The following PHF14 variants were observed in gnomAD, a reference collection of about 807,000 sequenced individuals.
PHF14 encodes PHD finger protein 14.
In PHF14, 55 loss-of-function variants were observed where a neutral mutation model predicts 117.9. The ratio of observed to expected loss-of-function variants is 0.47; its 90% CI spans 0.38 to 0.58. The LOEUF (loss-of-function observed/expected upper bound fraction) is 0.58, where lower values mean the gene tolerates loss of function less well. PHF14 is among the 20% of genes least tolerant of loss of function. The pLI is 0.00. For synonymous variants in PHF14, 409 were observed against 368.6 expected (o/e 1.11, Z -1.26); for missense variants, 978 against 1,122.2 (o/e 0.87, Z 1.84).
chr7:11,057,961 T>A (rs1009900583), intron 14 of PHF14, among the ~76,000 whole-genome samples: 1 of 152,226 alleles, frequency 6.6e-6, no homozygotes, highest in Non-Finnish European at 1.5e-5. Flanking sequence ...GGTTAGCTAA[T>A]TACTGTCAAA....
intron 3 of PHF14, among the ~76,000 whole-genome samples, chr7:10,988,192 G>T (rs16876772): frequency 0.014 from 2,174 of 152,036 alleles, 53 homozygotes; most frequent in East Asian, 0.11. Flanking sequence ...TCTATTAAGA[G>T]CCTCAAGTCA....
intron 13 of PHF14, among the ~76,000 whole-genome samples, chr7:11,050,784 TTGA>T (rs1165299080): frequency 6.6e-6 from 1 of 152,210 alleles, no homozygotes; most frequent in East Asian, 1.9e-4. Context: ...ACAAATTCCT[TTGA>T]TAAATAAATG....
At chr7:11,053,612 A>G (rs1357674060) in intron 14 of PHF14, among the ~76,000 whole-genome samples, 1 of 151,992 alleles carries the variant, frequency 6.6e-6, no homozygotes, top group Non-Finnish European at 1.5e-5. Flanking sequence ...TTATTTTTCC[A>G]GTTTCTTTAT....
chr7:11,071,446 G>C (rs1448766940), intron 16 of PHF14, among the ~76,000 whole-genome samples: 1 of 152,050 alleles, frequency 6.6e-6, no homozygotes, highest in East Asian at 1.9e-4. Flanking sequence ...TAGAGGAGTA[G>C]AAAATAAGTC....
intron 16 of PHF14, among the ~76,000 whole-genome samples, chr7:11,067,874 T>C (rs79352237): frequency 0.016 from 2,454 of 152,146 alleles, 57 homozygotes; most frequent in African/African-American, 0.056. Flanking sequence ...AAGGAACTAA[T>C]AGAGTTAGAA....
At chr7:11,035,266 C>T (rs1784281821) in intron 7 of PHF14, among the ~76,000 whole-genome samples, 1 of 152,088 alleles carries the variant, frequency 6.6e-6, no homozygotes, top group African/African-American at 2.4e-5. Context: ...GCAAATACCA[C>T]ACCATTTAAC....
In PHF14 at chr7:10,974,245, A is replaced by C; in HGVS notation, c.-79A>C. 1 of 1,268,478 alleles carries C rather than the reference A, an allele frequency of 7.9e-7. No individual in the cohort carries two copies. The highest frequency in any genetic ancestry group is 1.1e-6 in the Non-Finnish European group (1 of 891,202). 78.6% of individuals were successfully genotyped at this position (1,268,478 alleles called of 1,614,324 possible). On this transcript the variant is annotated 5_prime_UTR_variant, in exon 1 of 18. Transcript: ENST00000634607. The stretch of plus-strand genomic sequence containing the variant: ...CTTTCGGACTTGTCTTCGCGGCCCC[A>C]GTCCCCGACCTCGGCGCTGCCTGGG...
In PHF14 at chr7:11,036,612, T is replaced by A; in HGVS notation, c.1797T>A (p.Asp599Glu). The change falls in exon 9 of 18, where the codon GAT becomes GAA. Residue 599 changes from aspartate to glutamate, a missense_variant. Asp to Glu is a conservative substitution (Grantham distance 45, BLOSUM62 2). Around this residue, in one of 7 missense-constraint regions of PHF14, gnomAD observed 237 missense variants for 276.4 expected, o/e 0.86. Transcript: ENST00000634607. ...ATATCTTTCCAGTGGACAATTCAGA[T>A]ACTAGTTCTAGTGTGGATGGAAGGA... is the stretch of plus-strand genomic sequence containing the variant. Reference protein sequence around the residue: ...STDIFPVDNSDTSSSVDGRRK... With the variant: ...STDIFPVDNSETSSSVDGRRK... 1 of 1,613,692 alleles carries A rather than the reference T, an allele frequency of 6.2e-7. No individual in the cohort carries two copies. The highest frequency in any genetic ancestry group is 8.5e-7 in the Non-Finnish European group (1 of 1,179,604).
intron 16 of PHF14, among the ~76,000 whole-genome samples, chr7:11,073,475 A>G (rs946478078): frequency 6.6e-5 from 10 of 152,322 alleles, no homozygotes; most frequent in African/African-American, 2.2e-4. Context: ...GTGGGCTCCA[A>G]ATGCTTTGGG....
At chr7:11,044,110 A>G (rs564760324) in intron 13 of PHF14, among the ~76,000 whole-genome samples, 1 of 152,066 alleles carries the variant, frequency 6.6e-6, no homozygotes. Context: ...GCATGTTCTC[A>G]CTTACAGGTG....
intron 17 of PHF14, among the ~76,000 whole-genome samples, chr7:11,137,325 C>T (rs1176671666): frequency 6.6e-6 from 1 of 152,112 alleles, no homozygotes; most frequent in Non-Finnish European, 1.5e-5. Context: ...GTGGATACTT[C>T]TTATGCTTGA....
chr7:11,007,884 T>C (rs1783182276), intron 4 of PHF14, among the ~76,000 whole-genome samples: 1 of 152,234 alleles, frequency 6.6e-6, no homozygotes, highest in South Asian at 2.1e-4. Context: ...TTATTGAATT[T>C]ATAATTGTTT....
At chr7:11,161,613 G>A (rs1352544876) in intron 17 of PHF14, among the ~76,000 whole-genome samples, 2 of 142,008 alleles carry the variant, frequency 1.4e-5, no homozygotes, top group East Asian at 3.9e-4. Flanking sequence ...TTAGATTTTA[G>A]ATAACATTTT....
intron 16 of PHF14, among the ~76,000 whole-genome samples, chr7:11,067,904 A>T (rs12112674): frequency 0.58 from 87,588 of 151,954 alleles, 26,869 homozygotes; most frequent in East Asian, 0.85. Flanking sequence ...GAGGAGGTCA[A>T]TAATCTCTTC....
At chr7:11,025,525 G>A (rs1374745373) in intron 6 of PHF14, among the ~76,000 whole-genome samples, 1 of 152,174 alleles carries the variant, frequency 6.6e-6, no homozygotes, top group East Asian at 1.9e-4. Flanking sequence ...CGGGCACGGT[G>A]GCTCACACCT....
chr7:11,138,086 G>C (rs1222865972), intron 17 of PHF14, among the ~76,000 whole-genome samples: 3 of 151,326 alleles, frequency 2.0e-5, no homozygotes, highest in African/African-American at 2.4e-5. Flanking sequence ...CACCCAGCAG[G>C]CTGGAGTGCA....
At chr7:11,000,492 A>G (rs1051114271) in intron 4 of PHF14, among the ~76,000 whole-genome samples, 16 of 150,984 alleles carry the variant, frequency 1.1e-4, no homozygotes, top group African/African-American at 2.9e-4. Flanking sequence ...GGCACACACC[A>G]CTACACCTGA....
rs535673551 is a variant in PHF14, at chr7:11,017,275, G to A, written c.1205+3369G>A. ...TTTCGGATGTATACCCAACAGTGCA[G>A]TTGCTGGATTATATGGCAGCTCAAT... On this transcript the variant is annotated intron_variant, in intron 5 of 17. Transcript: ENST00000634607. Among the ~76,000 whole-genome samples the A allele has an allele frequency of 2.6e-5, 4 of 152,232 alleles. No homozygotes were observed. The South Asian group carries it at 8.3e-4, about 32-fold the overall frequency.
intron 1 of PHF14, among the ~76,000 whole-genome samples, 185 bp downstream of exon 1, chr7:10,974,509 G>C (rs959339523): frequency 3.3e-5 from 5 of 152,172 alleles, no homozygotes; most frequent in African/African-American, 1.2e-4. Context: ...CGTTTTTATT[G>C]ACTGTTACGA....
Sources: gnomAD v4.1 joint callset for allele counts (sites outside exome capture counted in the v4.1 genomes callset) on GRCh38, gnomAD v4.1.1 for gene constraint, gnomAD v4.1.1 regional missense constraint, MANE v1.5 for transcripts, NCBI Gene and HGNC (gene_info 2026-07-23, HGNC 2026-07-21) for gene names.